Variants in BPIFB6 observed in about 807,000 individuals in gnomAD.
BPIFB6 encodes BPI fold containing family B member 6.
In BPIFB6, 47 loss-of-function variants were observed where a neutral mutation model predicts 54.7. The ratio of observed to expected loss-of-function variants is 0.86; its 90% CI spans 0.68 to 1.10. The LOEUF (loss-of-function observed/expected upper bound fraction) is 1.10, where lower values mean the gene tolerates loss of function less well. Among genes scored for constraint, BPIFB6 ranks in the 50% least tolerant of loss-of-function variants. BPIFB6 has a pLI of 0.00. For synonymous variants in BPIFB6, 255 were observed against 225.9 expected, an observed-to-expected ratio of 1.13 and a Z score of -1.16; for missense variants, 603 against 564.1, an observed-to-expected ratio of 1.07 and a Z score of -0.70.
intron 7 of BPIFB6, 126 bp from the exon 8 acceptor site, chr20:33,037,436 T>G: frequency 1.1e-6 from 1 of 930,910 alleles, no homozygotes; most frequent in Non-Finnish European, 1.6e-6. Context: ...GTGGTTCTCT[T>G]AATAAGATTT....
In BPIFB6 at chr20:33,036,522, C is replaced by T. The variant is rs141792049; in HGVS notation, c.655C>T (p.Gln219Ter). 47 of 1,614,186 alleles carry T rather than the reference C, an allele frequency of 2.9e-5. No homozygotes were observed. The African/African-American group carries it at 5.6e-4, about 19-fold the overall frequency. The change falls in exon 7 of 15, where the codon CAA (glutamine) becomes TAA (stop). Residue 219 changes from glutamine (Q) to a stop codon, truncating the protein, a stop_gained. Coordinates refer to ENST00000349552, the MANE Select transcript of BPIFB6 (RefSeq NM_174897.2). LOFTEE classifies it high-confidence loss of function. ...SAPATTASYI[Q>*]LDFSPVVQQQ... is the part of the protein sequence containing the mutation. Reference sequence around the variant, plus strand: ...ACCAGCCACCACAGCCAGCTACATCCAACTGGACTTCAGTGTAAGCGCCTA... The same window carrying T: ...ACCAGCCACCACAGCCAGCTACATCTAACTGGACTTCAGTGTAAGCGCCTA...
rs151104041 is a variant in BPIFB6 at position 33,042,840 on chromosome 20, C to A, written c.1214C>A (p.Thr405Asn). Residue 405 changes from threonine to asparagine, a missense_variant, in exon 13 of 15, where the codon ACC (threonine) becomes AAC (asparagine). Physicochemically the swap from Thr to Asn is moderately conservative, Grantham distance 65 (BLOSUM62 0). Transcript: ENST00000349552. ...GAGAGGGAATTAACTGGCTTCATCA[C>A]CAGCTATCTCGAAGAAGCCTACATC... is the stretch of plus-strand genomic sequence containing the variant. ...FNERELTGFITSYLEEAYIPV... is the reference protein window; with the variant it reads ...FNERELTGFINSYLEEAYIPV... 195 of 1,614,084 alleles carry A rather than the reference C, an allele frequency of 1.2e-4. No homozygotes were observed. Among genetic ancestry groups the A allele is most frequent in the Non-Finnish European group, 1.6e-4 (188 of 1,180,030 alleles).
chr20:33,039,573 G>T, intron 10 of BPIFB6, 53 bp downstream of exon 10: 6 of 1,544,756 alleles, frequency 3.9e-6, no homozygotes, highest in Non-Finnish European at 5.2e-6. Flanking sequence ...GGATATTCAG[G>T]GCTGGAGGAT....
rs763912790 is a variant in BPIFB6 at position 33,040,289 on chromosome 20, C to G, written c.1113C>G (p.Asn371Lys). 1 of 1,614,176 alleles carries G rather than the reference C, an allele frequency of 6.2e-7. No individual in the cohort carries two copies. The highest frequency in any genetic ancestry group is 1.7e-5 in the Admixed American group (1 of 60,028). Residue 371 changes from asparagine to lysine, a missense_variant, in exon 11 of 15, where the codon AAC (asparagine) becomes AAG (lysine). Physicochemically the swap from Asn to Lys is moderately conservative, Grantham distance 94. Coordinates refer to ENST00000349552, the MANE Select transcript of BPIFB6 (RefSeq NM_174897.2). ...AGGTCCAGTACTCAGTGCATGAGAA[C>G]CAGCTGCAGATGGCCACTTCTTTGG... Reference protein sequence around the residue: ...NLKVQYSVHENQLQMATSLDR... With the variant: ...NLKVQYSVHEKQLQMATSLDR...
chr20:33,044,060 TC>T, downstream of BPIFB6: 1 of 1,614,008 alleles, frequency 6.2e-7, no homozygotes, highest in South Asian at 1.1e-5. Context: ...ATGGCAGGAC[TC>T]CCCTGCCAGC....
At position 33,039,384 on chromosome 20, in the gene BPIFB6, C is replaced by A. The variant is rs754718394; in HGVS notation, c.938C>A (p.Thr313Asn). Residue 313 changes from threonine (T) to asparagine (N), a missense_variant, in exon 10 of 15, where the codon ACC becomes AAC. By Grantham distance (65) the Thr-to-Asn change is moderately conservative. Transcript: ENST00000349552. ...VAYPKSKPLT[T>N]QIKIKKPPKV... ...TATCCCAAGTCAAAGCCCTTGACGA[C>A]CCAGATCAAGATAAAGAAGCCTCCC... 1.2e-4 allele frequency: 186 copies of A among 1,613,838 alleles called. 3 individuals are homozygous for A. The Admixed American group carries it at 3.0e-3, about 26-fold the overall frequency.
At chr20:33,040,521 G>A (rs1979537195) in intron 11 of BPIFB6, among the ~76,000 whole-genome samples, 1 of 152,150 alleles carries the variant, frequency 6.6e-6, no homozygotes, top group African/African-American at 2.4e-5. Flanking sequence ...GGTACTCAAG[G>A]CCCTTCTCAA....
chr20:33,033,896 G>A (rs968176694), intron 2 of BPIFB6, among the ~76,000 whole-genome samples: 3 of 152,162 alleles, frequency 2.0e-5, no homozygotes, highest in African/African-American at 7.2e-5. Context: ...CTCCCATTTT[G>A]TTGATGGGGA....
At chr20:33,042,902 ACC>A in intron 13 of BPIFB6, 24 bp downstream of exon 13, 2 of 1,610,248 alleles carry the variant, frequency 1.2e-6, no homozygotes, top group African/African-American at 2.7e-5. Flanking sequence ...AAGGCTTTGG[ACC>A]ATGGTGCCAA....
intron 5 of BPIFB6, 34 bp downstream of exon 5, chr20:33,035,178 T>G (rs1174714317): frequency 6.2e-7 from 1 of 1,602,588 alleles, no homozygotes; most frequent in Admixed American, 1.7e-5. Context: ...CACCCCTCGT[T>G]GCTGGGACTG....
At position 33,041,984 on chromosome 20, in the gene BPIFB6, C is replaced by A; in HGVS notation, c.1157C>A (p.Ser386Tyr). 6.2e-7 allele frequency: 1 copy of A among 1,614,152 alleles called. No homozygotes were observed. Among genetic ancestry groups the A allele is most frequent in the Non-Finnish European group, 8.5e-7 (1 of 1,180,016 alleles). Residue 386 changes from serine (S) to tyrosine (Y), a missense_variant, in exon 12 of 15, where the codon TCC becomes TAC. Ser to Tyr is a moderately radical substitution (Grantham distance 144). Coordinates refer to ENST00000349552, the MANE Select transcript of BPIFB6 (RefSeq NM_174897.2). Reference protein sequence around the residue: ...ATSLDRLLSLSRKSSSIGNFN... With the variant: ...ATSLDRLLSLYRKSSSIGNFN... ...CTCCCCCACAGATTACTGAGCTTGT[C>A]CCGGAAGTCCTCATCGATTGGCAAC...
At chr20:33,040,114 G>A in intron 10 of BPIFB6, 137 bp from the exon 11 acceptor site, 4 of 781,446 alleles carry the variant, frequency 5.1e-6, no homozygotes, top group Non-Finnish European at 8.6e-6. Flanking sequence ...TTCAGTTCCT[G>A]AGGATGGGCA....
intron 2 of BPIFB6, chr20:33,033,404 T>A: frequency 2.1e-6 from 1 of 473,170 alleles, no homozygotes; most frequent in Non-Finnish European, 4.2e-6. Context: ...AATGAAAACA[T>A]CCTCAAATGG....
rs776610866 is a variant in BPIFB6 at position 33,034,932 on chromosome 20, G to A, written c.452+20G>A. The A allele has an allele frequency of 6.2e-6, 10 of 1,606,434 alleles. No individual in the cohort carries two copies. The Admixed American group carries it at 8.4e-5, about 13-fold the overall frequency. ...TAGCAAGTGAGGGGCTCTGTGGCTG[G>A]GGAGGAAGGCCGGTCCATATTGCTA... On this transcript the variant is annotated intron_variant, in intron 4 of 14. Transcript: ENST00000349552.
chr20:33,039,302 C>T, intron 9 of BPIFB6, 45 bp from the exon 10 acceptor site: 2 of 1,540,816 alleles, frequency 1.3e-6, no homozygotes, highest in Non-Finnish European at 1.7e-6. Context: ...ACTGAAGCCA[C>T]CAGTCTAAGG....
chr20:33,042,166 C>T (rs1004293504), intron 12 of BPIFB6, 151 bp downstream of exon 12: 3 of 726,368 alleles, frequency 4.1e-6, no homozygotes, highest in African/African-American at 1.8e-5. Flanking sequence ...GCCGTGTGAG[C>T]TTAGGAAAGT....
At chr20:33,031,830 C>A in intron 1 of BPIFB6, 86 bp downstream of exon 1, 1 of 1,060,418 alleles carries the variant, frequency 9.4e-7, no homozygotes, top group Non-Finnish European at 1.5e-6. Flanking sequence ...GTTGCACATC[C>A]TGGAGCATCC....
chr20:33,034,704 C>A, intron 3 of BPIFB6, 59 bp from the exon 4 acceptor site: 3 of 1,531,882 alleles, frequency 2.0e-6, no homozygotes, highest in East Asian at 4.5e-5. Flanking sequence ...AAAGAGAAGG[C>A]AGGGAGAGCG....
At position 33,042,009 on chromosome 20, in the gene BPIFB6, C is replaced by A; in HGVS notation, c.1182C>A (p.Asn394Lys). ...SLSRKSSSIG[N>K]FNERELTGFI... ...CCCGGAAGTCCTCATCGATTGGCAACTTCAATGTAAGTGTCCCAAGTGCTC... is the reference window on the plus strand; with the variant it reads ...CCCGGAAGTCCTCATCGATTGGCAAATTCAATGTAAGTGTCCCAAGTGCTC... Residue 394 changes from asparagine (N) to lysine (K), a missense_variant, in exon 12 of 15, where the codon AAC becomes AAA. Asn to Lys is a moderately conservative substitution (Grantham distance 94). Transcript: ENST00000349552. The A allele has an allele frequency of 6.2e-7, 1 of 1,614,106 alleles. No homozygotes were observed. Among genetic ancestry groups the A allele is most frequent in the Non-Finnish European group, 8.5e-7 (1 of 1,179,958 alleles).
Sources: gnomAD v4.1 joint callset for allele counts (sites outside exome capture counted in the v4.1 genomes callset) on GRCh38, gnomAD v4.1.1 for gene constraint, MANE v1.5 for transcripts, NCBI Gene and HGNC (gene_info 2026-07-23, HGNC 2026-07-21) for gene names.